TTLL8: variants seen among roughly 807,000 people sequenced by gnomAD.
The protein encoded by TTLL8 is protein monoglycylase TTLL8.
In TTLL8, 65 loss-of-function variants were observed where a neutral mutation model predicts 77.8. That is an observed-to-expected ratio of 0.84 (90% CI 0.68 to 1.03). The LOEUF (loss-of-function observed/expected upper bound fraction) is 1.03. TTLL8 is among the 50% of genes least tolerant of loss of function. The probability of loss-of-function intolerance (pLI) is 0.00; values close to 1 mark genes in which losing one functional copy is unlikely to be tolerated. For synonymous variants in TTLL8, 402 were observed against 422.8 expected (o/e 0.95, Z 0.60); for missense variants, 910 against 1,004.5 (o/e 0.91, Z 1.27).
In TTLL8 at chr22:50,034,791, G is replaced by A. The variant is rs181521385; in HGVS notation, c.922-329C>T. ...CCTGGGTGGAAATGGTGGGATGCACGGGTGGGGGTGGGGAGATGCAGCCAC... is the reference window on the plus strand; with the variant it reads ...CCTGGGTGGAAATGGTGGGATGCACAGGTGGGGGTGGGGAGATGCAGCCAC... On this transcript the variant is annotated intron_variant, in intron 8 of 13. Transcript: ENST00000266182. The surrounding 1 kb of genome is among the most constrained non-coding windows in gnomAD (Gnocchi z 4.1). Among the ~76,000 whole-genome samples the A allele has an allele frequency of 2.6e-5, 4 of 152,304 alleles. No individual in the cohort carries two copies. The highest frequency in any genetic ancestry group is 4.4e-5 in the Non-Finnish European group (3 of 68,036).
chr22:50,030,113 A>G (rs2061275764), intron 12 of TTLL8: 1 of 956,922 alleles, frequency 1.0e-6, no homozygotes, highest in Admixed American at 6.2e-5. Context: ...GTCCTAACTC[A>G]AATCCTCCGA....
chr22:50,047,903 G>C (rs1210467064), intron 3 of TTLL8, among the ~76,000 whole-genome samples: 1 of 152,184 alleles, frequency 6.6e-6, no homozygotes, highest in Non-Finnish European at 1.5e-5. Flanking sequence ...TTCAAGACCA[G>C]CCTGACCAAC....
chr22:50,029,588 G>C (rs934101532), intron 12 of TTLL8, among the ~76,000 whole-genome samples: 1 of 152,102 alleles, frequency 6.6e-6, no homozygotes, highest in Non-Finnish European at 1.5e-5. Context: ...AAAATTAGCC[G>C]GGCGCGGTGG....
chr22:50,022,139 ATGCACTCCTCCATCTGATGACG>A (rs2061206422), intron 12 of TTLL8, among the ~76,000 whole-genome samples: 2 of 127,498 alleles, frequency 1.6e-5, no homozygotes, highest in East Asian at 2.8e-4. Flanking sequence ...TCCATCTGAC[ATGCACTCCTCCATCTGATGACG>A]TGCACTCCTC....
intron 8 of TTLL8, among the ~76,000 whole-genome samples, chr22:50,037,720 T>C (rs1601922867): frequency 6.6e-6 from 1 of 152,206 alleles, no homozygotes. Context: ...TTAGACTCTA[T>C]TCTCTTACAC....
intron 10 of TTLL8, among the ~76,000 whole-genome samples, 157 bp from the exon 12 acceptor site, chr22:50,032,266 G>A (rs1784685463): frequency 6.6e-6 from 1 of 152,242 alleles, no homozygotes; most frequent in Non-Finnish European, 1.5e-5. Flanking sequence ...GCTGGGATGA[G>A]CGTTACTGTC....
At chr22:50,025,329 C>A (rs903451582) in intron 12 of TTLL8, among the ~76,000 whole-genome samples, 3 of 147,148 alleles carry the variant, frequency 2.0e-5, no homozygotes, top group Non-Finnish European at 3.0e-5. Flanking sequence ...GCAAAAACCA[C>A]AGACTGGGAG....
rs115029504 is a variant in TTLL8, at chr22:50,052,442, G to A, written c.51+2134C>T. On this transcript the variant is annotated intron_variant, in intron 1 of 13. Coordinates refer to ENST00000266182, the Ensembl canonical transcript of TTLL8. ...GGGGATTTAAAAAGTAACCAGTCCG[G>A]GAGAGCACATGAAAGGAGAGGAAAG... Among the ~76,000 whole-genome samples, 1,101 of 152,282 alleles carry A rather than the reference G, an allele frequency of 7.2e-3. 16 individuals carry two copies. The highest frequency in any genetic ancestry group is 0.026 in the African/African-American group (1,064 of 41,558).
chr22:50,058,122 C>A (rs934940300), upstream of TTLL8, among the ~76,000 whole-genome samples: 1 of 151,856 alleles, frequency 6.6e-6, no homozygotes, highest in Admixed American at 6.6e-5. This position sits in a 1 kb window ranked among gnomAD's most constrained non-coding sequence, Gnocchi z 4.2. Context: ...CGCGGACGGG[C>A]CTGGGGTTCC....
At chr22:50,027,644 C>T in intron 12 of TTLL8, 1 of 985,444 alleles carries the variant, frequency 1.0e-6, no homozygotes, top group Non-Finnish European at 1.2e-6. Context: ...GCTCCAAGGG[C>T]CAGCACGCAC....
At chr22:50,030,444 G>T (rs200889119) in exon 12 of TTLL8, 2 of 1,333,314 alleles carry the variant, frequency 1.5e-6, no homozygotes, top group Non-Finnish European at 2.0e-6. Flanking sequence ...TCCTCCGGGC[G>T]GCGGACGCAG....
At chr22:50,036,484 C>T (rs1405028081) in intron 8 of TTLL8, among the ~76,000 whole-genome samples, 5 of 152,154 alleles carry the variant, frequency 3.3e-5, no homozygotes, top group African/African-American at 9.7e-5. Flanking sequence ...TCAACAGGAA[C>T]GGAGACCAGT....
rs2061370160 is a variant in TTLL8, at chr22:50,041,449, G to A, written c.830+172C>T. ...ACCACAATACTCAACAAGCATCCCA[G>A]ACATCCAGACAGGAGCCCCAACGCC... On this transcript the variant is annotated intron_variant, in intron 7 of 13. Transcript: ENST00000266182. The surrounding 1 kb of genome is among the most constrained non-coding windows in gnomAD (Gnocchi z 4.3). 8 of 915,968 alleles carry A rather than the reference G, an allele frequency of 8.7e-6. No individual in the cohort carries two copies. The highest frequency in any genetic ancestry group is 1.0e-5 in the Non-Finnish European group (8 of 766,840). 56.7% of individuals were successfully genotyped at this position (915,968 alleles called of 1,614,324 possible). A position where few individuals can be genotyped will look rare whatever the true frequency, so the allele number is the denominator to read the frequency against.
In TTLL8 at chr22:50,034,272, TC is replaced by T; in HGVS notation, c.1039+72del. The T allele has an allele frequency of 7.7e-7, 1 of 1,291,362 alleles. No individual in the cohort carries two copies. The highest frequency in any genetic ancestry group is 1.0e-6 in the Non-Finnish European group (1 of 985,278). 80.0% of individuals were successfully genotyped at this position (1,291,362 alleles called of 1,614,324 possible). On this transcript the variant is annotated intron_variant, in intron 9 of 13. Coordinates refer to ENST00000266182, the Ensembl canonical transcript of TTLL8. This position sits in a 1 kb window ranked among gnomAD's most constrained non-coding sequence, Gnocchi z 4.1. ...CTGTGGTGCTGTGGGCCTGAAACTG[TC>T]CCTCACTCACGGCTCCTGGCATCAA... is the stretch of plus-strand genomic sequence containing the variant.
At chr22:50,050,326 T>C in intron 1 of TTLL8, 79 bp from the exon 4 acceptor site, 2 of 1,073,142 alleles carry the variant, frequency 1.9e-6, no homozygotes, top group Non-Finnish European at 2.5e-6. Flanking sequence ...TGGATAAGCT[T>C]GTTAGTGCTG....
chr22:50,045,686 C>T, intron 5 of TTLL8, 170 bp downstream of exon 7: 1 of 892,408 alleles, frequency 1.1e-6, no homozygotes, highest in Non-Finnish European at 1.3e-6. Context: ...TGCCCGCCCT[C>T]CCTCCCGGGG....
At chr22:50,053,589 T>C (rs918034557) in intron 1 of TTLL8, among the ~76,000 whole-genome samples, 1 of 152,216 alleles carries the variant, frequency 6.6e-6, no homozygotes, top group Non-Finnish European at 1.5e-5. Flanking sequence ...TTTATACATT[T>C]AAAGGTTTCA....
At chr22:50,054,209 G>C (rs531170463) in intron 1 of TTLL8, among the ~76,000 whole-genome samples, 1 of 152,108 alleles carries the variant, frequency 6.6e-6, no homozygotes, top group Non-Finnish European at 1.5e-5. Context: ...AGTGGAAATC[G>C]ACACACCATC....
At chr22:50,050,578 T>C (rs1028285889) in intron 1 of TTLL8, among the ~76,000 whole-genome samples, 2 of 152,064 alleles carry the variant, frequency 1.3e-5, no homozygotes, top group Non-Finnish European at 2.9e-5. Flanking sequence ...CCTTGCCTAG[T>C]TCACAAGACA....
Sources: gnomAD v4.1 joint callset for allele counts (sites outside exome capture counted in the v4.1 genomes callset) on GRCh38, gnomAD v4.1.1 for gene constraint, Gnocchi (gnomAD v3.1) non-coding constraint, MANE v1.5 for transcripts, NCBI Gene and HGNC (gene_info 2026-07-23, HGNC 2026-07-21) for gene names.